Variants in MARCHF10 observed in about 807,000 individuals in gnomAD.
MARCHF10 encodes the protein probable E3 ubiquitin-protein ligase MARCHF10.
MARCHF10 carries 64 observed loss-of-function variants against 76.2 expected under a neutral mutation model. That is an observed-to-expected ratio of 0.84 (90% CI 0.69 to 1.03). MARCHF10 has a LOEUF of 1.03. MARCHF10 is among the 50% of genes least tolerant of loss of function. MARCHF10 has a pLI of 0.00. For synonymous variants in MARCHF10, 340 were observed against 357.5 expected, an observed-to-expected ratio of 0.95 and a Z score of 0.55; for missense variants, 875 against 958.0, an observed-to-expected ratio of 0.91 and a Z score of 1.14.
At chr17:62,805,702 A>G (rs564140114) in intron 1 of MARCHF10, among the ~76,000 whole-genome samples, 1 of 152,292 alleles carries the variant, frequency 6.6e-6, no homozygotes, top group East Asian at 1.9e-4. Context: ...ACTTGAGGTC[A>G]GGAGTTCGAG....
intron 10 of MARCHF10, chr17:62,705,013 C>A: frequency 1.0e-6 from 1 of 986,440 alleles, no homozygotes; most frequent in Non-Finnish European, 1.2e-6. Flanking sequence ...TTGCAGAGAG[C>A]CGTCTTGCCC....
At position 62,738,815 on chromosome 17, in the gene MARCHF10, C is replaced by T. The variant is rs1201368118; in HGVS notation, c.536-1483G>A. Among the ~76,000 whole-genome samples, 1 of 152,224 alleles carries T rather than the reference C, an allele frequency of 6.6e-6. No individual in the cohort carries two copies. The highest frequency in any genetic ancestry group is 1.5e-5 in the Non-Finnish European group (1 of 68,038). ...TCTTCTAGAAATCAGTTAAGCTCTC[C>T]TCTCAGGCCCCTCCTGGGTTTTATA... On this transcript the variant is annotated intron_variant, in intron 5 of 10. Coordinates refer to ENST00000311269, the MANE Select transcript of MARCHF10 (RefSeq NM_152598.4). The surrounding 1 kb of genome is among the most constrained non-coding windows in gnomAD (Gnocchi z 4.0).
At chr17:62,774,201 T>A (rs2092502935) in intron 3 of MARCHF10, among the ~76,000 whole-genome samples, 1 of 152,110 alleles carries the variant, frequency 6.6e-6, no homozygotes. Context: ...TTTTGGGCGA[T>A]GACACCACCT....
chr17:62,798,597 C>G (rs752160313), intron 2 of MARCHF10, among the ~76,000 whole-genome samples: 1 of 151,970 alleles, frequency 6.6e-6, no homozygotes, highest in Non-Finnish European at 1.5e-5. Context: ...GAGAGGAGAG[C>G]GGAGGTGATG....
chr17:62,787,504 T>C (rs1377199080), intron 3 of MARCHF10, among the ~76,000 whole-genome samples: 1 of 152,208 alleles, frequency 6.6e-6, no homozygotes, highest in African/African-American at 2.4e-5. Context: ...CAATTCACCA[T>C]GCTAACAGTC....
intron 2 of MARCHF10, among the ~76,000 whole-genome samples, chr17:62,793,934 C>A (rs1277829885): frequency 6.7e-6 from 1 of 150,106 alleles, no homozygotes; most frequent in South Asian, 2.1e-4. Flanking sequence ...CCACCTCTAT[C>A]AACCACAACC....
At chr17:62,770,788 G>A (rs1222915703) in intron 3 of MARCHF10, among the ~76,000 whole-genome samples, 3 of 150,124 alleles carry the variant, frequency 2.0e-5, no homozygotes, top group South Asian at 2.1e-4. Context: ...TGATTCACCC[G>A]CCTTGGCCTC....
chr17:62,781,815 G>T (rs2148073818), intron 3 of MARCHF10, among the ~76,000 whole-genome samples: 1 of 152,332 alleles, frequency 6.6e-6, no homozygotes, highest in Admixed American at 6.5e-5. Flanking sequence ...GAATGAACAA[G>T]TGATGAAAAC....
rs1377568798 is a variant in MARCHF10, at chr17:62,736,920, T to G, written c.948A>C (p.Arg316Ser). Residue 316 changes from arginine (R) to serine (S), a missense_variant, in exon 6 of 11, where the codon AGA (arginine) becomes AGC (serine). By Grantham distance (110) the Arg-to-Ser change is moderately radical (BLOSUM62 -1). Coordinates refer to ENST00000311269, the MANE Select transcript of MARCHF10 (RefSeq NM_152598.4). ...RSPCSPSHHK[R>S]SRFGGTSTPQ... ...GGGTCGATGTCCCCCCAAATCTACT[T>G]CTTTTGTGATGGGAAGGAGAACAGG... 1 of 1,613,992 alleles carries G rather than the reference T, an allele frequency of 6.2e-7. No individual in the cohort carries two copies. The highest frequency in any genetic ancestry group is 2.2e-5 in the East Asian group (1 of 44,898).
chr17:62,798,159 G>A (rs2093015600), intron 2 of MARCHF10, among the ~76,000 whole-genome samples: 2 of 152,168 alleles, frequency 1.3e-5, no homozygotes, highest in Admixed American at 1.3e-4. Context: ...TTGAACCATA[G>A]CAGAGGATGA....
Position 62,735,937 on chromosome 17 carries a change from T to G in MARCHF10, c.1931A>C (p.Gln644Pro), listed in dbSNP as rs200042628. The G allele has an allele frequency of 1.9e-5, 30 of 1,595,212 alleles. No homozygotes were observed. The East Asian group carries it at 6.7e-4, about 36-fold the overall frequency. Residue 644 changes from glutamine to proline, a missense_variant, in exon 6 of 11, where the codon CAA becomes CCA. Transcript: ENST00000311269. Reference protein sequence around the residue: ...KADPEKLKKLQESLLEEDSEE... With the variant: ...KADPEKLKKLPESLLEEDSEE... ...AATTATGAAAAGTCCTCACCTTTCTTGCAATTTCTTGAGTTTCTCAGGGTC... is the reference window on the plus strand; with the variant it reads ...AATTATGAAAAGTCCTCACCTTTCTGGCAATTTCTTGAGTTTCTCAGGGTC...
rs747836346 is a variant in MARCHF10 at position 62,737,295 on chromosome 17, A to G, written c.573T>C (p.Thr191=). 5 of 1,612,600 alleles carry G rather than the reference A, an allele frequency of 3.1e-6. No individual in the cohort carries two copies. The African/African-American group carries it at 5.4e-5, about 17-fold the overall frequency. ...VVQQEGLMCN[T]KLKRPNQERR... ...TCTCTTGATTTGGCCTCTTCAGCTT[A>G]GTGTTACACATCAGGCCTTCTTGTT... Residue 191 remains threonine (T), a synonymous_variant, in exon 6 of 11, where the codon ACT becomes ACC. Coordinates refer to ENST00000311269, the MANE Select transcript of MARCHF10 (RefSeq NM_152598.4).
In MARCHF10 at chr17:62,712,023, C is replaced by T. The variant is rs2089959833; in HGVS notation, c.2215-679G>A. ...CAGGGAGGATGTGATGGTCTGGCTGCCCATGGCACTTCTCTGTCCTTAGCA... is the reference window on the plus strand; with the variant it reads ...CAGGGAGGATGTGATGGTCTGGCTGTCCATGGCACTTCTCTGTCCTTAGCA... On this transcript the variant is annotated intron_variant, in intron 8 of 10. Coordinates refer to ENST00000311269, the MANE Select transcript of MARCHF10 (RefSeq NM_152598.4). This position sits in a 1 kb window ranked among gnomAD's most constrained non-coding sequence, Gnocchi z 4.2. 6.6e-6 allele frequency among the ~76,000 whole-genome samples: 1 copy of T among 152,224 alleles called. No individual in the cohort carries two copies. Among genetic ancestry groups the T allele is most frequent in the Non-Finnish European group, 1.5e-5 (1 of 68,028 alleles).
At position 62,738,164 on chromosome 17, in the gene MARCHF10, C is replaced by T. The variant is rs1599164137; in HGVS notation, c.536-832G>A. 6.6e-6 allele frequency among the ~76,000 whole-genome samples: 1 copy of T among 151,056 alleles called. No individual in the cohort carries two copies. Among genetic ancestry groups the T allele is most frequent in the African/African-American group, 2.4e-5 (1 of 41,088 alleles). On this transcript the variant is annotated intron_variant, in intron 5 of 10. Coordinates refer to ENST00000311269, the MANE Select transcript of MARCHF10 (RefSeq NM_152598.4). The surrounding 1 kb of genome is among the most constrained non-coding windows in gnomAD (Gnocchi z 4.0). ...CATACGACATTATAACTTGAGAGTA[C>T]CAAGGCTTAGGGCAGTCACATAACT...
intron 10 of MARCHF10, among the ~76,000 whole-genome samples, chr17:62,704,689 G>C (rs2089468978): frequency 6.6e-6 from 1 of 152,240 alleles, no homozygotes; most frequent in Non-Finnish European, 1.5e-5. Flanking sequence ...GCCTGAAGCG[G>C]AATCTCTGGG....
Position 62,768,477 on chromosome 17 carries a change from G to A in MARCHF10, c.211-8471C>T, listed in dbSNP as rs536368414. 1.2e-3 allele frequency among the ~76,000 whole-genome samples: 183 copies of A among 152,264 alleles called. 1 individual carries two copies. Among genetic ancestry groups the A allele is most frequent in the African/African-American group, 3.5e-3 (145 of 41,546 alleles). ...AGAGGTTGCAGTGAGCCAAGATCAC[G>A]CCATTGCACTCCAGTCTGGGTGACA... On this transcript the variant is annotated intron_variant, in intron 3 of 10. Transcript: ENST00000311269.
intron 3 of MARCHF10, among the ~76,000 whole-genome samples, chr17:62,788,154 A>G (rs1482159144): frequency 6.6e-6 from 1 of 152,088 alleles, no homozygotes; most frequent in Non-Finnish European, 1.5e-5. Flanking sequence ...AGTGCCTCCA[A>G]CTCTTATAGA....
chr17:62,805,915 A>AAT (rs1263915066), intron 1 of MARCHF10, among the ~76,000 whole-genome samples: 2 of 130,574 alleles, frequency 1.5e-5, no homozygotes, highest in African/African-American at 3.1e-5. Context: ...AAATAAAAAA[A>AAT]AATAATAATA....
chr17:62,795,356 C>CAAAAAAAAA lies in MARCHF10; in HGVS notation c.90+6281_90+6289dup, dbSNP rs61564298. ...CCTCCAGTTACATAAATCATTTGAT[C>CAAAAAAAAA]AAAAAAAAAAAAAAAAAAAAAAAAA... is the stretch of plus-strand genomic sequence containing the variant. On this transcript the variant is annotated intron_variant, in intron 2 of 10. Transcript: ENST00000311269. Among the ~76,000 whole-genome samples the CAAAAAAAAA allele has an allele frequency of 7.9e-4, 42 of 52,946 alleles. 1 individual carries two copies. The highest frequency in any genetic ancestry group is 2.8e-3 in the African/African-American group (40 of 14,248). The allele number at this position is 52,946 out of a possible 152,430, so 34.7% of individuals were successfully genotyped here. A position where few individuals can be genotyped will look rare whatever the true frequency, so the allele number is the denominator to read the frequency against.
Sources: allele counts gnomAD v4.1 joint callset (sites outside exome capture counted in the v4.1 genomes callset), GRCh38; gene constraint gnomAD v4.1.1; non-coding constraint Gnocchi (gnomAD v3.1); transcripts MANE v1.5; gene names NCBI Gene and HGNC (gene_info 2026-07-23, HGNC 2026-07-21).